The following MND1 variants were observed in gnomAD, a reference collection of about 807,000 sequenced individuals.
MND1 encodes the protein meiotic nuclear divisions 1.
MND1 carries 28 observed loss-of-function variants against 35.1 expected under a neutral mutation model. The observed-to-expected ratio is 0.80, with a 90% confidence interval of 0.59 to 1.09. The LOEUF (loss-of-function observed/expected upper bound fraction) is 1.09. MND1 is among the 50% of genes least tolerant of loss of function. The probability of loss-of-function intolerance (pLI) is 0.00; values close to 1 mark genes in which losing one functional copy is unlikely to be tolerated. For synonymous variants in MND1, 69 were observed against 70.5 expected, an observed-to-expected ratio of 0.98 and a Z score of 0.11; for missense variants, 213 against 239.6, an observed-to-expected ratio of 0.89 and a Z score of 0.73.
chr4:153,401,050 T>C (rs2149656204), intron 6 of MND1, among the ~76,000 whole-genome samples: 1 of 152,280 alleles, frequency 6.6e-6, no homozygotes, highest in Non-Finnish European at 1.5e-5. Context: ...TTGATGTTAG[T>C]TGAAGATATA....
intron 4 of MND1, chr4:153,363,166 T>C (rs1773539199): frequency 4.7e-6 from 1 of 213,306 alleles, no homozygotes; most frequent in African/African-American, 2.4e-5. Context: ...CTAGTTACTT[T>C]TCTGTTGTTG....
chr4:153,378,727 A>G (rs1327129276), intron 4 of MND1, among the ~76,000 whole-genome samples: 1 of 152,234 alleles, frequency 6.6e-6, no homozygotes, highest in African/African-American at 2.4e-5. Flanking sequence ...GGCAAATCAT[A>G]TCCCAACATG....
intron 4 of MND1, among the ~76,000 whole-genome samples, chr4:153,367,423 A>T (rs1244884359): frequency 3.3e-5 from 5 of 152,186 alleles, no homozygotes; most frequent in Non-Finnish European, 7.3e-5. Context: ...GTCTTTCATG[A>T]CTGACTTCTT....
At chr4:153,396,549 CT>C (rs1729202162) in intron 5 of MND1, among the ~76,000 whole-genome samples, 1 of 152,116 alleles carries the variant, frequency 6.6e-6, no homozygotes, top group Non-Finnish European at 1.5e-5. Flanking sequence ...TTTGTTTGGG[CT>C]TACTTTTCAG....
At chr4:153,372,552 A>T (rs1773817858) in intron 4 of MND1, among the ~76,000 whole-genome samples, 1 of 152,186 alleles carries the variant, frequency 6.6e-6, no homozygotes, top group Admixed American at 6.5e-5. Flanking sequence ...GTAATTGAAC[A>T]TACCAATCAA....
At chr4:153,386,292 A>G (rs1341707866) in intron 4 of MND1, among the ~76,000 whole-genome samples, 6 of 150,286 alleles carry the variant, frequency 4.0e-5, no homozygotes, top group Non-Finnish European at 8.9e-5. Context: ...GGAGTCTGAG[A>G]CCAGCCTGGG....
intron 4 of MND1, among the ~76,000 whole-genome samples, chr4:153,359,850 C>G (rs186417997): frequency 7.3e-6 from 1 of 137,528 alleles, no homozygotes; most frequent in Non-Finnish European, 1.5e-5. Flanking sequence ...TGCAATGGTG[C>G]GATCTCAGCT....
chr4:153,409,922 A>T (rs1039767166), intron 7 of MND1, among the ~76,000 whole-genome samples: 1 of 152,222 alleles, frequency 6.6e-6, no homozygotes, highest in Admixed American at 6.5e-5. Flanking sequence ...TAAAAATAAG[A>T]TACGAATCCA....
intron 6 of MND1, among the ~76,000 whole-genome samples, chr4:153,407,813 A>C (rs1393734549): frequency 6.6e-6 from 1 of 152,212 alleles, no homozygotes; most frequent in Non-Finnish European, 1.5e-5. Context: ...ATGTACACAA[A>C]AGGGAAATCC....
At chr4:153,369,009 G>GCCC (rs1773726540) in intron 4 of MND1, among the ~76,000 whole-genome samples, 1 of 152,342 alleles carries the variant, frequency 6.6e-6, no homozygotes, top group Non-Finnish European at 1.5e-5. Flanking sequence ...CTTATGTGAG[G>GCCC]TATAGTCAAA....
At chr4:153,396,912 A>G (rs1309039724) in intron 5 of MND1, among the ~76,000 whole-genome samples, 1 of 96,160 alleles carries the variant, frequency 1.0e-5, no homozygotes, top group Non-Finnish European at 2.5e-5. Context: ...TCTGTAACAT[A>G]CAACGACATG....
In MND1 at chr4:153,344,745, G is replaced by A. The variant is rs779708349; in HGVS notation, c.3+5G>A. ...AGCCCCTGCGCCCGCGCCATGGTAA[G>A]GACTGAGGCTACGGTCCCGCGTCTT... On this transcript the variant is annotated splice_donor_5th_base_variant and intron_variant, in intron 1 of 7. Transcript: ENST00000240488. 2.1e-5 allele frequency: 33 copies of A among 1,601,040 alleles called. No homozygotes were observed. The highest frequency in any genetic ancestry group is 2.7e-5 in the Non-Finnish European group (32 of 1,174,948).
At chr4:153,356,340 G>A (rs1773337318) in intron 3 of MND1, among the ~76,000 whole-genome samples, 1 of 152,068 alleles carries the variant, frequency 6.6e-6, no homozygotes, top group South Asian at 2.1e-4. Context: ...TGGATCATGA[G>A]GTCAGGAGAT....
At position 153,361,841 on chromosome 4, in the gene MND1, G is replaced by GA. The variant is rs58481872; in HGVS notation, c.276+3229dup. On this transcript the variant is annotated intron_variant, in intron 4 of 7. Coordinates refer to ENST00000240488, the MANE Select transcript of MND1 (RefSeq NM_032117.4). ...CAACAGAGCAAGACTCAAAAAAAAAGAAAAAAAAAAGAAAATTCTAAGGTG... is the reference window on the plus strand; with the variant it reads ...CAACAGAGCAAGACTCAAAAAAAAAGAAAAAAAAAAAGAAAATTCTAAGGTG... 1.1e-3 allele frequency among the ~76,000 whole-genome samples: 157 copies of GA among 148,274 alleles called. 1 individual carries two copies. Among genetic ancestry groups the GA allele is most frequent in the Middle Eastern group, 0.01 (3 of 288 alleles).
intron 4 of MND1, among the ~76,000 whole-genome samples, chr4:153,384,572 C>T (rs997771139): frequency 6.1e-5 from 9 of 147,454 alleles, no homozygotes; most frequent in South Asian, 2.1e-4. Context: ...GGATTACAGG[C>T]GTGAGCCACT....
At chr4:153,375,673 C>G (rs1728483215) in intron 4 of MND1, among the ~76,000 whole-genome samples, 1 of 151,956 alleles carries the variant, frequency 6.6e-6, no homozygotes, top group Non-Finnish European at 1.5e-5. Flanking sequence ...GGAAATTTTC[C>G]TGTCAGAATG....
At chr4:153,347,926 A>G (rs1321097170) in intron 1 of MND1, among the ~76,000 whole-genome samples, 5 of 152,146 alleles carry the variant, frequency 3.3e-5, no homozygotes, top group Non-Finnish European at 7.3e-5. Context: ...GTTAGGTGAT[A>G]AAGGGCCTTG....
chr4:153,378,166 G>A (rs1335965124), intron 4 of MND1, among the ~76,000 whole-genome samples: 1 of 152,100 alleles, frequency 6.6e-6, no homozygotes, highest in Non-Finnish European at 1.5e-5. Flanking sequence ...ATTGTGTACT[G>A]GGTCCAGTAG....
intron 4 of MND1, among the ~76,000 whole-genome samples, chr4:153,379,589 C>T (rs1318736181): frequency 4.6e-5 from 7 of 151,664 alleles, no homozygotes; most frequent in Admixed American, 3.3e-4. Context: ...TGGTGGCTCA[C>T]GCCTGTAATC....
Sources: gnomAD v4.1 joint callset for allele counts (sites outside exome capture counted in the v4.1 genomes callset) on GRCh38, gnomAD v4.1.1 for gene constraint, MANE v1.5 for transcripts, NCBI Gene and HGNC (gene_info 2026-07-23, HGNC 2026-07-21) for gene names.